AFF2: variants seen among roughly 807,000 people sequenced by gnomAD.
AFF2 encodes AF4/FMR2 family member 2.
Under a neutral mutation model 76.9 loss-of-function variants are expected in AFF2, and 14 were observed. The ratio of observed to expected loss-of-function variants is 0.18; its 90% CI spans 0.12 to 0.28. AFF2 has a LOEUF of 0.28. Among genes scored for constraint, AFF2 ranks in the 10% least tolerant of loss-of-function variants. The probability of loss-of-function intolerance (pLI) is 1.00; values close to 1 mark genes in which losing one functional copy is unlikely to be tolerated. For synonymous variants in AFF2, 398 were observed against 366.7 expected, an observed-to-expected ratio of 1.09 and a Z score of -0.98; for missense variants, 868 against 1,001.1, an observed-to-expected ratio of 0.87 and a Z score of 1.79.
At chrX:148,974,885 C>T (rs1828715554) in intron 16 of AFF2, among the ~76,000 whole-genome samples, 2 of 111,973 alleles carry the variant, frequency 1.8e-5, no homozygotes, top group Admixed American at 1.9e-4. Flanking sequence ...GTCAAACTAC[C>T]TGTGATTTTC....
chrX:148,576,885 A>G (rs190380422), intron 1 of AFF2, among the ~76,000 whole-genome samples: 2 of 110,648 alleles, frequency 1.8e-5, no homozygotes, highest in Non-Finnish European at 3.8e-5. Context: ...TGAATTGCTT[A>G]ATTGGTTCTC....
chrX:148,555,259 A>G, intron 1 of AFF2, among the ~76,000 whole-genome samples: 1 of 112,191 alleles, frequency 8.9e-6, no homozygotes, highest in Non-Finnish European at 1.9e-5. Context: ...TACATTAACA[A>G]GAGTTTCAGT....
At chrX:148,933,082 G>A (rs1460788226) in intron 9 of AFF2, among the ~76,000 whole-genome samples, 1 of 112,191 alleles carries the variant, frequency 8.9e-6, no homozygotes, top group African/African-American at 3.2e-5. Context: ...GGGGTTATCA[G>A]GGAAGGCTTT....
At chrX:148,987,046 GC>G (rs782277376) in intron 19 of AFF2, among the ~76,000 whole-genome samples, 4 of 111,070 alleles carry the variant, frequency 3.6e-5, no homozygotes, top group African/African-American at 1.3e-4. Flanking sequence ...CTATAGTGTG[GC>G]ACTGTAGCTC....
intron 7 of AFF2, among the ~76,000 whole-genome samples, chrX:148,858,467 A>G (rs782278788): frequency 9.0e-6 from 1 of 111,727 alleles, no homozygotes; most frequent in African/African-American, 3.2e-5. Flanking sequence ...TTTCCCTCTA[A>G]ATAGTAAGCT....
chrX:148,741,218 T>G (rs1199720489), intron 3 of AFF2, among the ~76,000 whole-genome samples: 1 of 111,464 alleles, frequency 9.0e-6, no homozygotes, highest in Non-Finnish European at 1.9e-5. Context: ...TTAAATGCCC[T>G]TTGTCTTCCA....
intron 9 of AFF2, among the ~76,000 whole-genome samples, chrX:148,947,690 T>C (rs1159660503): frequency 9.0e-6 from 1 of 111,655 alleles, no homozygotes; most frequent in African/African-American, 3.3e-5. Flanking sequence ...GAGGCAGGCA[T>C]AATGCTCCAG....
intron 9 of AFF2, among the ~76,000 whole-genome samples, chrX:148,932,778 A>G (rs1371247533): frequency 2.7e-5 from 3 of 112,172 alleles, no homozygotes; most frequent in South Asian, 3.7e-4. Flanking sequence ...CAAGCTTACC[A>G]TAATTTTGAA....
chrX:148,811,348 A>G lies in AFF2; in HGVS notation c.1086+1428A>G, dbSNP rs189342354. On this transcript the variant is annotated intron_variant, in intron 4 of 20. Transcript: ENST00000370460. ...CTGCTAGATTAGGACTATGCTGACT[A>G]CTTTGGTAAGATAAGAACCCAGCAA... 1.4e-4 allele frequency among the ~76,000 whole-genome samples: 16 copies of G among 111,137 alleles called. No individual in the cohort carries two copies. The East Asian group carries it at 4.6e-3, about 32-fold the overall frequency.
intron 1 of AFF2, among the ~76,000 whole-genome samples, chrX:148,519,716 T>C (rs782319024): frequency 1.8e-5 from 2 of 111,960 alleles, no homozygotes; most frequent in Admixed American, 9.4e-5. Context: ...TACGTATACA[T>C]ACACACTGTA....
intron 1 of AFF2, among the ~76,000 whole-genome samples, chrX:148,624,145 A>G (rs1156941660): frequency 1.8e-5 from 2 of 111,724 alleles, no homozygotes; most frequent in Admixed American, 9.5e-5. Flanking sequence ...GTGTCGAATA[A>G]TGCATCTTCT....
At chrX:148,701,586 T>G (rs2054801032) in intron 3 of AFF2, among the ~76,000 whole-genome samples, 1 of 112,007 alleles carries the variant, frequency 8.9e-6, no homozygotes, top group South Asian at 3.7e-4. Flanking sequence ...AGAAACAAAA[T>G]TTTGAAATTA....
At chrX:148,848,170 C>A (rs951017971) in intron 7 of AFF2, among the ~76,000 whole-genome samples, 1 of 110,764 alleles carries the variant, frequency 9.0e-6, no homozygotes, top group Non-Finnish European at 1.9e-5. Flanking sequence ...ATTCCCACAA[C>A]CTGGTGGGAT....
intron 1 of AFF2, among the ~76,000 whole-genome samples, chrX:148,581,609 C>T (rs2053410128): frequency 9.7e-6 from 1 of 103,050 alleles, no homozygotes; most frequent in Non-Finnish European, 2.0e-5. Context: ...TATACGTGTA[C>T]ACACATATAT....
intron 1 of AFF2, among the ~76,000 whole-genome samples, chrX:148,583,328 G>A (rs2053433738): frequency 1.8e-5 from 2 of 111,802 alleles, no homozygotes; most frequent in Admixed American, 9.5e-5. Flanking sequence ...TGACAATTCT[G>A]CTGAATCAAT....
intron 9 of AFF2, among the ~76,000 whole-genome samples, chrX:148,910,774 T>G (rs2071459799): frequency 9.0e-6 from 1 of 111,646 alleles, no homozygotes. Context: ...GAGATTCACA[T>G]GGTAGAGTCA....
chrX:148,781,866 A>G (rs782601830), intron 3 of AFF2, among the ~76,000 whole-genome samples: 2 of 111,652 alleles, frequency 1.8e-5, no homozygotes, highest in Non-Finnish European at 3.8e-5. Flanking sequence ...TGTGGGTTGC[A>G]AAGACCATGG....
In AFF2 at chrX:148,995,240, ACAG is replaced by A. The variant is rs782601784; in HGVS notation, c.*3909_*3911del. The stretch of plus-strand genomic sequence containing the variant: ...TCTTTAGTGTTAGTAGACTCCAACA[ACAG>A]AAGTGGCATCTGTGTATTCATAATC... On this transcript the variant is annotated 3_prime_UTR_variant, in exon 21 of 21. Transcript: ENST00000370460. 19 of 110,779 alleles carry A rather than the reference ACAG, an allele frequency of 1.7e-4. No homozygotes were observed. The highest frequency in any genetic ancestry group is 3.2e-4 in the Non-Finnish European group (17 of 52,892). The allele number at this position is 110,779 out of a possible 1,213,427, so 9.1% of individuals were successfully genotyped here.
chrX:148,557,643 C>G (rs999411213), intron 1 of AFF2, among the ~76,000 whole-genome samples: 5 of 112,402 alleles, frequency 4.4e-5, no homozygotes, highest in Non-Finnish European at 9.4e-5. Flanking sequence ...CCTCTCAACA[C>G]TCTTGCATTA....
Sources: gnomAD v4.1 joint callset for allele counts (sites outside exome capture counted in the v4.1 genomes callset) on GRCh38, gnomAD v4.1.1 for gene constraint, MANE v1.5 for transcripts, NCBI Gene and HGNC (gene_info 2026-07-23, HGNC 2026-07-21) for gene names.